SDK1: variants seen among roughly 807,000 people sequenced by gnomAD.
SDK1 encodes the protein protein sidekick-1.
In SDK1, 157 loss-of-function variants were observed where a neutral mutation model predicts 245.5. The observed-to-expected ratio is 0.64, with a 90% confidence interval of 0.56 to 0.73. SDK1 has a LOEUF of 0.73. SDK1 is among the 30% of genes least tolerant of loss of function. The probability of loss-of-function intolerance (pLI) is 0.00; values close to 1 mark genes in which losing one functional copy is unlikely to be tolerated. For synonymous variants in SDK1, 1,647 were observed against 1,278.5 expected (o/e 1.29, Z -6.15); for missense variants, 3,583 against 3,002.3 (o/e 1.19, Z -4.52).
At chr7:3,736,817 T>G (rs2115047103) in intron 4 of SDK1, among the ~76,000 whole-genome samples, 1 of 152,338 alleles carries the variant, frequency 6.6e-6, no homozygotes, top group Non-Finnish European at 1.5e-5. Context: ...GATCTACTTT[T>G]CTAACAAACT....
chr7:3,343,129 C>T (rs752652635), intron 1 of SDK1, among the ~76,000 whole-genome samples: 2 of 151,882 alleles, frequency 1.3e-5, no homozygotes, highest in Non-Finnish European at 2.9e-5. Flanking sequence ...TAAAACTAAA[C>T]GTAGAACTAT....
chr7:4,149,286 T>C lies in SDK1; in HGVS notation c.4448T>C (p.Leu1483Pro). The part of the protein sequence containing the change: ...KRERPAPPRE[L>P]LVPQAEVTAR... ...GAGCGGCCGGCACCCCCCAGAGAGC[T>C]CCTGGTGCCCCAGGCAGAAGTGACC... is the stretch of plus-strand genomic sequence containing the variant. Residue 1483 changes from leucine (L) to proline (P), a missense_variant, in exon 30 of 45, where the codon CTC (leucine) becomes CCC (proline). Coordinates refer to ENST00000404826, the MANE Select transcript of SDK1 (RefSeq NM_152744.4). 1 of 1,552,198 alleles carries C rather than the reference T, an allele frequency of 6.4e-7. No individual in the cohort carries two copies. Among genetic ancestry groups the C allele is most frequent in the Non-Finnish European group, 8.7e-7 (1 of 1,149,072 alleles).
chr7:3,503,773 A>C (rs1435979736), intron 1 of SDK1, among the ~76,000 whole-genome samples: 1 of 152,158 alleles, frequency 6.6e-6, no homozygotes, highest in Non-Finnish European at 1.5e-5. Flanking sequence ...TACACTGAAA[A>C]TTTTAAAATA....
intron 1 of SDK1, among the ~76,000 whole-genome samples, chr7:3,382,956 T>C (rs925280198): frequency 6.6e-6 from 1 of 152,190 alleles, no homozygotes; most frequent in Non-Finnish European, 1.5e-5. Flanking sequence ...AAAGAAAGAT[T>C]ACCTTTCTAT....
At chr7:3,964,029 A>G (rs1354375846) in intron 9 of SDK1, among the ~76,000 whole-genome samples, 2 of 152,126 alleles carry the variant, frequency 1.3e-5, no homozygotes, top group African/African-American at 4.8e-5. Context: ...CTTGGCCCAC[A>G]GCTACCTGGA....
intron 19 of SDK1, among the ~76,000 whole-genome samples, chr7:4,067,420 T>C (rs1295238176): frequency 6.6e-6 from 1 of 152,120 alleles, no homozygotes; most frequent in Non-Finnish European, 1.5e-5. Flanking sequence ...GGGCCCAGGG[T>C]CCTTTTCTGG....
chr7:3,544,534 A>T (rs1201311998), intron 1 of SDK1, among the ~76,000 whole-genome samples: 2 of 152,216 alleles, frequency 1.3e-5, no homozygotes, highest in African/African-American at 4.8e-5. Context: ...TCGTTGGCCT[A>T]ATGATGCCCC....
At chr7:3,654,967 T>C (rs1226759784) in intron 4 of SDK1, among the ~76,000 whole-genome samples, 1 of 151,734 alleles carries the variant, frequency 6.6e-6, no homozygotes, top group African/African-American at 2.4e-5. Flanking sequence ...TAATTAAAAC[T>C]AGGATAATTA....
chr7:3,498,615 C>T, intron 1 of SDK1, among the ~76,000 whole-genome samples: 1 of 152,162 alleles, frequency 6.6e-6, no homozygotes, highest in Non-Finnish European at 1.5e-5. Flanking sequence ...CATCTGTCGG[C>T]TTCCTCTTGT....
chr7:3,568,229 A>G (rs973972712), intron 1 of SDK1, among the ~76,000 whole-genome samples: 5 of 152,220 alleles, frequency 3.3e-5, no homozygotes, highest in African/African-American at 7.2e-5. Flanking sequence ...CATTTAATTT[A>G]ATATGCATTT....
chr7:4,005,211 A>G (rs1785378531), intron 14 of SDK1, among the ~76,000 whole-genome samples: 1 of 151,258 alleles, frequency 6.6e-6, no homozygotes, highest in Admixed American at 6.6e-5. Flanking sequence ...ACGCCTGGCT[A>G]ATTTTTTGTA....
At chr7:3,986,660 A>T (rs755658757) in intron 13 of SDK1, among the ~76,000 whole-genome samples, 11 of 152,132 alleles carry the variant, frequency 7.2e-5, no homozygotes, top group Admixed American at 3.9e-4. Flanking sequence ...GGAGTTCAAG[A>T]CCAACCTGGC....
At chr7:4,024,153 GA>G (rs1787149531) in intron 17 of SDK1, among the ~76,000 whole-genome samples, 1 of 152,074 alleles carries the variant, frequency 6.6e-6, no homozygotes, top group Non-Finnish European at 1.5e-5. Context: ...ACCTTATAAT[GA>G]AAGAGAAATA....
chr7:4,024,605 G>A lies in SDK1; in HGVS notation c.2602+7253G>A, dbSNP rs924168785. 1.6e-4 allele frequency among the ~76,000 whole-genome samples: 25 copies of A among 152,152 alleles called. 1 individual carries two copies. The highest frequency in any genetic ancestry group is 4.1e-4 in the South Asian group (2 of 4,830). On this transcript the variant is annotated intron_variant, in intron 17 of 44. Transcript: ENST00000404826. ...ACCAGCCTTCACCATGCTGTGCCACGTCCTTACATTCACTGTCTTACTCCA... is the reference window on the plus strand; with the variant it reads ...ACCAGCCTTCACCATGCTGTGCCACATCCTTACATTCACTGTCTTACTCCA...
chr7:3,633,824 G>C (rs1782374827), intron 2 of SDK1, among the ~76,000 whole-genome samples: 1 of 152,040 alleles, frequency 6.6e-6, no homozygotes, highest in Non-Finnish European at 1.5e-5. Context: ...GAATCAGCCT[G>C]GAGATTGGGC....
At position 4,266,778 on chromosome 7, in the gene SDK1, C is replaced by G. The variant is rs909465620; in HGVS notation, c.*1394C>G. 1 of 985,472 alleles carries G rather than the reference C, an allele frequency of 1.0e-6. No homozygotes were observed. The highest frequency in any genetic ancestry group is 1.2e-6 in the Non-Finnish European group (1 of 829,976). The allele number at this position is 985,472 out of a possible 1,614,324, so 61.0% of individuals were successfully genotyped here. A position where few individuals can be genotyped will look rare whatever the true frequency, so the allele number is the denominator to read the frequency against. ...GATGGAACGGGAGCACTGCTGGTGC[C>G]CACTGGCGTGTGTGCCCCGGGTCCC... On this transcript the variant is annotated 3_prime_UTR_variant, in exon 45 of 45. Transcript: ENST00000404826.
At chr7:3,536,624 A>G (rs774214155) in intron 1 of SDK1, among the ~76,000 whole-genome samples, 3 of 151,794 alleles carry the variant, frequency 2.0e-5, no homozygotes, top group Admixed American at 6.6e-5. Context: ...AACGTGGGAG[A>G]TGGAGGTTGC....
chr7:3,340,376 C>A (rs1257458612), intron 1 of SDK1, among the ~76,000 whole-genome samples: 1 of 152,130 alleles, frequency 6.6e-6, no homozygotes, highest in Non-Finnish European at 1.5e-5. Flanking sequence ...AATGCTGACA[C>A]AAAGTGAGCA....
At chr7:3,558,339 T>C (rs1779651456) in intron 1 of SDK1, among the ~76,000 whole-genome samples, 2 of 152,256 alleles carry the variant, frequency 1.3e-5, no homozygotes, top group Admixed American at 6.5e-5. Context: ...TCTCATACTT[T>C]CTTCTCCCTG....
Sources: allele counts gnomAD v4.1 joint callset (sites outside exome capture counted in the v4.1 genomes callset), GRCh38; gene constraint gnomAD v4.1.1; transcripts MANE v1.5; gene names NCBI Gene and HGNC (gene_info 2026-07-23, HGNC 2026-07-21).